Variants in NAV2 observed in about 807,000 individuals in gnomAD.
The protein encoded by NAV2 is helicase, APC down-regulated 1.
A neutral mutation model predicts 223.2 loss-of-function variants in NAV2; 54 were observed. The ratio of observed to expected loss-of-function variants is 0.24; its 90% CI spans 0.19 to 0.30. NAV2 has a LOEUF of 0.30. Among genes scored for constraint, NAV2 ranks in the 10% least tolerant of loss-of-function variants. The pLI, the probability that NAV2 is intolerant of heterozygous loss-of-function variation, is 1.00. For synonymous variants in NAV2, 1,279 were observed against 1,239.3 expected (o/e 1.03, Z -0.67); for missense variants, 2,806 against 3,147.5 (o/e 0.89, Z 2.60).
At chr11:19,956,809 A>C (rs944093415) in intron 10 of NAV2, among the ~76,000 whole-genome samples, 1 of 151,890 alleles carries the variant, frequency 6.6e-6, no homozygotes, top group Non-Finnish European at 1.5e-5. Context: ...AATTAAGTCC[A>C]TCTCCATCCC....
chr11:19,740,093 T>A (rs2052665718), intron 1 of NAV2, among the ~76,000 whole-genome samples: 1 of 152,086 alleles, frequency 6.6e-6, no homozygotes, highest in South Asian at 2.1e-4. Context: ...TTTGGAGGCA[T>A]CTACTAGAAA....
chr11:19,570,171 C>CA, intron 1 of NAV2, among the ~76,000 whole-genome samples: 1 of 152,148 alleles, frequency 6.6e-6, no homozygotes, highest in Non-Finnish European at 1.5e-5. Flanking sequence ...TGATAGGCAT[C>CA]TTGGGCTCCG....
chr11:19,967,526 G>C (rs1242631111), intron 10 of NAV2, among the ~76,000 whole-genome samples: 2 of 152,112 alleles, frequency 1.3e-5, no homozygotes, highest in Non-Finnish European at 2.9e-5. Context: ...GGTTCCAGGG[G>C]ACCAAACTTG....
chr11:19,560,183 G>A (rs2045047112), intron 1 of NAV2, among the ~76,000 whole-genome samples: 1 of 152,078 alleles, frequency 6.6e-6, no homozygotes, highest in Non-Finnish European at 1.5e-5. Context: ...GGCCTCCTTT[G>A]GTGATTTCTC....
In NAV2 at chr11:20,003,318, T is replaced by A. The variant is rs149954619; in HGVS notation, c.2768+19071T>A. Among the ~76,000 whole-genome samples, 357 of 152,306 alleles carry A rather than the reference T, an allele frequency of 2.3e-3. 3 individuals carry two copies. The highest frequency in any genetic ancestry group is 8.2e-3 in the African/African-American group (341 of 41,560). On this transcript the variant is annotated intron_variant, in intron 11 of 37. Transcript: ENST00000349880. ...ATCTGTATTGAGGGTCTATTTTATC[T>A]GCATATCCATTTATGAGGGGAAAAA...
At chr11:19,545,559 C>A (rs543897073) in intron 1 of NAV2, among the ~76,000 whole-genome samples, 1 of 152,256 alleles carries the variant, frequency 6.6e-6, no homozygotes, top group Non-Finnish European at 1.5e-5. Flanking sequence ...GACAATGTAG[C>A]TTGGAGTGAG....
At chr11:19,814,401 G>T (rs1447642285) in intron 1 of NAV2, among the ~76,000 whole-genome samples, 1 of 152,176 alleles carries the variant, frequency 6.6e-6, no homozygotes, top group Non-Finnish European at 1.5e-5. Context: ...CCTGGCCAGG[G>T]TGACCTGAAT....
rs912276969 is a variant in NAV2, at chr11:19,860,262, T to G, written c.439-8663T>G. Among the ~76,000 whole-genome samples, 11 of 142,668 alleles carry G rather than the reference T, an allele frequency of 7.7e-5. 1 individual carries two copies. The highest frequency in any genetic ancestry group is 7.5e-3 in the Middle Eastern group (2 of 266). The allele number at this position is 142,668 out of a possible 152,430, so 93.6% of individuals were successfully genotyped here. On this transcript the variant is annotated intron_variant, in intron 3 of 37. Coordinates refer to ENST00000349880, the MANE Select transcript of NAV2 (RefSeq NM_145117.5). ...GGTGGCTGCCGGGCAGAGGGGCTCC[T>G]CACTTCTCAGACGGGGCGGCTGCCG...
At chr11:19,981,981 T>G (rs1038112882) in intron 10 of NAV2, among the ~76,000 whole-genome samples, 2 of 129,336 alleles carry the variant, frequency 1.5e-5, no homozygotes, top group African/African-American at 5.0e-5. Context: ...TGGGCTTCAT[T>G]CATTCATGTG....
intron 1 of NAV2, among the ~76,000 whole-genome samples, chr11:19,649,779 A>C (rs2047915853): frequency 6.6e-6 from 1 of 152,236 alleles, no homozygotes; most frequent in Admixed American, 6.5e-5. Context: ...TTAAAAATTG[A>C]ACAGAATATT....
intron 1 of NAV2, among the ~76,000 whole-genome samples, chr11:19,648,479 T>C (rs2047878549): frequency 6.6e-6 from 1 of 152,192 alleles, no homozygotes; most frequent in African/African-American, 2.4e-5. Context: ...CTGATAGGCC[T>C]CAAGCATATC....
intron 11 of NAV2, among the ~76,000 whole-genome samples, chr11:20,013,525 GA>G (rs1452855957): frequency 6.6e-6 from 1 of 151,760 alleles, no homozygotes; most frequent in Non-Finnish European, 1.5e-5. Flanking sequence ...CAGAGGTTGG[GA>G]AAGGTTTTGT....
At chr11:19,657,659 G>T (rs2135708051) in intron 1 of NAV2, among the ~76,000 whole-genome samples, 1 of 152,228 alleles carries the variant, frequency 6.6e-6, no homozygotes, top group Middle Eastern at 3.4e-3. Context: ...AGATGTGGAG[G>T]GCCTTGAGGG....
rs114662322 is a variant in NAV2 at position 19,700,598 on chromosome 11, G to C, written c.76-131886G>C. 6.0e-3 allele frequency among the ~76,000 whole-genome samples: 915 copies of C among 152,280 alleles called. 8 individuals carry two copies. Among genetic ancestry groups the C allele is most frequent in the African/African-American group, 0.02 (851 of 41,550 alleles). On this transcript the variant is annotated intron_variant, in intron 1 of 37. Coordinates refer to the NAV2 transcript ENST00000360655. ...TCTTACTCTACACAGAGAAGTGTGG[G>C]GTTGGGGACCCAGATTTTTACCCCT...
chr11:19,514,552 A>G (rs2013380), intron 1 of NAV2, among the ~76,000 whole-genome samples: 23,978 of 152,078 alleles, frequency 0.16, 2,056 homozygotes, highest in Admixed American at 0.21. Context: ...CAACTCACTA[A>G]CTGTTTTTAT....
intron 1 of NAV2, among the ~76,000 whole-genome samples, chr11:19,467,245 T>C (rs1256290910): frequency 5.9e-5 from 9 of 152,224 alleles, no homozygotes; most frequent in Non-Finnish European, 1.2e-4. Flanking sequence ...CCATAACTTG[T>C]CTAGTCAATA....
intron 12 of NAV2, among the ~76,000 whole-genome samples, chr11:20,039,139 G>A (rs1270228745): frequency 2.6e-5 from 4 of 152,150 alleles, no homozygotes; most frequent in African/African-American, 9.7e-5. Flanking sequence ...TGGTGAGTCC[G>A]GTTGGCCAAG....
intron 1 of NAV2, among the ~76,000 whole-genome samples, chr11:19,574,602 T>G (rs770886265): frequency 6.6e-6 from 1 of 152,198 alleles, no homozygotes; most frequent in Non-Finnish European, 1.5e-5. Context: ...TTTCCTTCTT[T>G]ACTTCCTTCC....
In NAV2 at chr11:20,118,372, G is replaced by C. The variant is rs1445599380; in HGVS notation, c.*114G>C. ...AGCCCCCAGCCACAGCCTTAGAGCTGCGGGAACACCGAGACCCCCCGTCCT... is the reference window on the plus strand; with the variant it reads ...AGCCCCCAGCCACAGCCTTAGAGCTCCGGGAACACCGAGACCCCCCGTCCT... On this transcript the variant is annotated 3_prime_UTR_variant, in exon 38 of 38. Coordinates refer to ENST00000349880, the MANE Select transcript of NAV2 (RefSeq NM_145117.5). The C allele has an allele frequency of 7.9e-7, 1 of 1,270,174 alleles. No homozygotes were observed. Among genetic ancestry groups the C allele is most frequent in the Non-Finnish European group, 1.1e-6 (1 of 912,836 alleles). The allele number at this position is 1,270,174 out of a possible 1,614,324, so 78.7% of individuals were successfully genotyped here. A position where few individuals can be genotyped will look rare whatever the true frequency, so the allele number is the denominator to read the frequency against.
Sources: allele counts gnomAD v4.1 joint callset (sites outside exome capture counted in the v4.1 genomes callset), GRCh38; gene constraint gnomAD v4.1.1; transcripts MANE v1.5; gene names NCBI Gene and HGNC (gene_info 2026-07-23, HGNC 2026-07-21).